Variants in ROCK1 observed in about 807,000 individuals in gnomAD.
The protein encoded by ROCK1 is Rho associated coiled-coil containing protein kinase 1.
Under a neutral mutation model 196.8 loss-of-function variants are expected in ROCK1, and 36 were observed. The ratio of observed to expected loss-of-function variants is 0.18; its 90% CI spans 0.14 to 0.24. The LOEUF (loss-of-function observed/expected upper bound fraction) is 0.24, where lower values mean the gene tolerates loss of function less well. Ranked by LOEUF, ROCK1 falls within the 10% of genes least tolerant of loss-of-function variation. The pLI, the probability that ROCK1 is intolerant of heterozygous loss-of-function variation, is 1.00. For synonymous variants in ROCK1, 443 were observed against 515.9 expected (o/e 0.86, Z 1.91); for missense variants, 920 against 1,562.0 (o/e 0.59, Z 6.93).
At chr18:21,094,447 G>C (rs553807794) in intron 1 of ROCK1, among the ~76,000 whole-genome samples, 4 of 152,168 alleles carry the variant, frequency 2.6e-5, no homozygotes, top group Non-Finnish European at 5.9e-5. Context: ...AATGGGCAAA[G>C]GATCTGAATA....
At chr18:21,002,057 CT>C (rs1472554702) in intron 16 of ROCK1, among the ~76,000 whole-genome samples, 2 of 152,074 alleles carry the variant, frequency 1.3e-5, no homozygotes, top group Non-Finnish European at 2.9e-5. Flanking sequence ...AAGTAGAAAT[CT>C]TTTAATAGTT....
chr18:20,999,154 T>C (rs577407785), intron 16 of ROCK1, among the ~76,000 whole-genome samples: 1 of 151,930 alleles, frequency 6.6e-6, no homozygotes, highest in East Asian at 1.9e-4. Flanking sequence ...CATTAAAAAG[T>C]TCATTCATCA....
Position 20,947,764 on chromosome 18 carries a change from T to G in ROCK1, c.*3620A>C, listed in dbSNP as rs1454146619. 2 of 152,230 alleles carry G rather than the reference T, an allele frequency of 1.3e-5. No homozygotes were observed. The highest frequency in any genetic ancestry group is 3.2e-3 in the Middle Eastern group (1 of 316). 9.4% of individuals were successfully genotyped at this position (152,230 alleles called of 1,614,324 possible). ...TTAAACTTCTCCAAATGTCTTACAA[T>G]TTTCTTGGTGGAGGTCGTATACATC... On this transcript the variant is annotated 3_prime_UTR_variant, in exon 33 of 33. Coordinates refer to ENST00000399799, the MANE Select transcript of ROCK1 (RefSeq NM_005406.3).
rs1206822117 is a variant in ROCK1 at position 20,949,018 on chromosome 18, G to GTT, written c.*2365_*2366insAA. On this transcript the variant is annotated 3_prime_UTR_variant, in exon 33 of 33. Transcript: ENST00000399799. ...CCTCTCAATATTGGTATACTTGGGA[G>GTT]TGAGTGGTTTCCTGAACTTAGAAGA... 1.3e-5 allele frequency: 2 copies of GTT among 151,968 alleles called. No homozygotes were observed. 9.4% of individuals were successfully genotyped at this position (151,968 alleles called of 1,614,324 possible). A position where few individuals can be genotyped will look rare whatever the true frequency, so the allele number is the denominator to read the frequency against.
chr18:21,044,821 A>C (rs529426019), intron 5 of ROCK1, among the ~76,000 whole-genome samples: 70 of 152,284 alleles, frequency 4.6e-4, no homozygotes, highest in Non-Finnish European at 7.2e-4. Context: ...ATCAACATTA[A>C]ATTGAAATGC....
rs1345897150 is a variant in ROCK1, at chr18:21,049,772, T to C, written c.276+8A>G. 6.7e-7 allele frequency: 1 copy of C among 1,496,244 alleles called. No homozygotes were observed. The allele number at this position is 1,496,244 out of a possible 1,614,324, so 92.7% of individuals were successfully genotyped here. A position where few individuals can be genotyped will look rare whatever the true frequency, so the allele number is the denominator to read the frequency against. On this transcript the variant is annotated splice_region_variant and intron_variant, in intron 3 of 32. Coordinates refer to ENST00000399799, the MANE Select transcript of ROCK1 (RefSeq NM_005406.3). ...AAGTCCTTTTGTATTCTCATTAAAATAACCTACCAATTGAACTTCTCCAAA... is the reference window on the plus strand; with the variant it reads ...AAGTCCTTTTGTATTCTCATTAAAACAACCTACCAATTGAACTTCTCCAAA...
At chr18:20,993,023 T>G (rs376859676) in intron 16 of ROCK1, 86 bp from the exon 17 acceptor site, 77 of 725,884 alleles carry the variant, frequency 1.1e-4, no homozygotes, top group East Asian at 7.8e-4. Context: ...TTAAAAAATG[T>G]TTTTTTAATG....
intron 22 of ROCK1, among the ~76,000 whole-genome samples, chr18:20,974,803 T>A (rs1166395325): frequency 1.3e-5 from 2 of 152,216 alleles, no homozygotes; most frequent in Non-Finnish European, 2.9e-5. Context: ...CTCAGAAATT[T>A]TATTTATTTG....
Position 20,953,685 on chromosome 18 carries a change from C to T in ROCK1, c.3954G>A (p.Lys1318=), listed in dbSNP as rs781420565. The T allele has an allele frequency of 7.5e-6, 12 of 1,606,792 alleles. No individual in the cohort carries two copies. The Admixed American group carries it at 2.1e-4, about 28-fold the overall frequency. ...CACGAACAAAACCAGATGGTGGATT[C>T]TTAGGGATTTTCTTTACTAAATGAG... ...WVTHLVKKIP[K]NPPSGFVRAS... Residue 1318 remains lysine, a synonymous_variant, in exon 32 of 33, where the codon AAG becomes AAA. Coordinates refer to ENST00000399799, the MANE Select transcript of ROCK1 (RefSeq NM_005406.3).
At chr18:21,081,108 T>C (rs1456044940) in intron 1 of ROCK1, among the ~76,000 whole-genome samples, 3 of 152,172 alleles carry the variant, frequency 2.0e-5, no homozygotes, top group Non-Finnish European at 2.9e-5. Context: ...AATAGACTTA[T>C]TATGTTATGC....
At chr18:21,036,816 CA>C (rs1468558404) in intron 9 of ROCK1, among the ~76,000 whole-genome samples, 1 of 152,006 alleles carries the variant, frequency 6.6e-6, no homozygotes, top group Non-Finnish European at 1.5e-5. Flanking sequence ...TGGTAACTAG[CA>C]AAATCCTTTG....
At position 20,993,528 on chromosome 18, in the gene ROCK1, G is replaced by C. The variant is rs545812346; in HGVS notation, c.1886-591C>G. Among the ~76,000 whole-genome samples the C allele has an allele frequency of 1.2e-4, 18 of 152,236 alleles. No homozygotes were observed. The East Asian group carries it at 2.9e-3, about 25-fold the overall frequency. ...GAGTGCTCTTTCTAACCACATTAAA[G>C]GTGAGAGCCTTTAGTTAATTAAGGC... On this transcript the variant is annotated intron_variant, in intron 16 of 32. Transcript: ENST00000399799.
chr18:20,976,400 A>C (rs1189598806), intron 22 of ROCK1, among the ~76,000 whole-genome samples: 5 of 152,200 alleles, frequency 3.3e-5, no homozygotes, highest in Non-Finnish European at 5.9e-5. Context: ...ACATACACCT[A>C]AAAGAGTTTT....
chr18:21,075,067 T>C (rs757369772), intron 1 of ROCK1, among the ~76,000 whole-genome samples: 2 of 152,188 alleles, frequency 1.3e-5, no homozygotes, highest in Non-Finnish European at 2.9e-5. Context: ...AGGTATAACA[T>C]ACCAGGAGAA....
chr18:20,968,687 T>A (rs1403391634), intron 25 of ROCK1, 85 bp downstream of exon 25: 3 of 791,208 alleles, frequency 3.8e-6, no homozygotes, highest in Non-Finnish European at 4.4e-6. Flanking sequence ...TTGAACCTTA[T>A]AAGCCTTGGT....
chr18:20,990,941 G>A lies in ROCK1; in HGVS notation c.2143+235C>T, dbSNP rs139412319. 9.3e-3 allele frequency among the ~76,000 whole-genome samples: 1,414 copies of A among 151,796 alleles called. 15 individuals carry two copies. The highest frequency in any genetic ancestry group is 0.033 in the African/African-American group (1,360 of 41,436). On this transcript the variant is annotated intron_variant, in intron 18 of 32. Coordinates refer to ENST00000399799, the MANE Select transcript of ROCK1 (RefSeq NM_005406.3). ...CACCTGGCTAATTTTTTTATTTTTAGTAGAGACGGGGTTTCACCACATTGG... is the reference window on the plus strand; with the variant it reads ...CACCTGGCTAATTTTTTTATTTTTAATAGAGACGGGGTTTCACCACATTGG...
At chr18:20,978,095 T>C (rs1395684501) in intron 22 of ROCK1, among the ~76,000 whole-genome samples, 1 of 151,990 alleles carries the variant, frequency 6.6e-6, no homozygotes, top group Non-Finnish European at 1.5e-5. Flanking sequence ...GGCAACTTAA[T>C]TGCAAAAAGA....
intron 16 of ROCK1, among the ~76,000 whole-genome samples, chr18:20,993,780 T>A (rs188716442): frequency 6.6e-6 from 1 of 152,358 alleles, no homozygotes; most frequent in African/African-American, 2.4e-5. Context: ...ACCTTACAGG[T>A]ATTTAAGGCA....
intron 1 of ROCK1, among the ~76,000 whole-genome samples, chr18:21,074,694 AT>A (rs1247213689): frequency 2.6e-5 from 4 of 152,238 alleles, no homozygotes; most frequent in African/African-American, 7.2e-5. Flanking sequence ...TTATACTGTA[AT>A]TATTTATTTC....
Sources: gnomAD v4.1 joint callset for allele counts (sites outside exome capture counted in the v4.1 genomes callset) on GRCh38, gnomAD v4.1.1 for gene constraint, MANE v1.5 for transcripts, NCBI Gene and HGNC (gene_info 2026-07-23, HGNC 2026-07-21) for gene names.